Variants in LEKR1 observed in about 807,000 individuals in gnomAD.
LEKR1 encodes leucine, glutamate and lysine rich 1.
A neutral mutation model predicts 72.4 loss-of-function variants in LEKR1; 59 were observed. That is an observed-to-expected ratio of 0.82 (90% confidence interval 0.66 to 1.01). The LOEUF (loss-of-function observed/expected upper bound fraction) is 1.01. Ranked by LOEUF, LEKR1 falls within the 50% of genes least tolerant of loss-of-function variation. LEKR1 has a pLI of 0.00. For synonymous variants in LEKR1, 257 were observed against 263.2 expected (o/e 0.98, Z 0.23); for missense variants, 728 against 759.2 (o/e 0.96, Z 0.48).
intron 9 of LEKR1, among the ~76,000 whole-genome samples, chr3:156,999,942 A>C (rs1731881087): frequency 6.6e-6 from 1 of 152,150 alleles, no homozygotes; most frequent in Non-Finnish European, 1.5e-5. Context: ...CTGACCTTAT[A>C]ACTCATGTTC....
At chr3:156,981,230 C>A (rs989024946) in intron 7 of LEKR1, among the ~76,000 whole-genome samples, 1 of 152,116 alleles carries the variant, frequency 6.6e-6, no homozygotes, top group Non-Finnish European at 1.5e-5. Context: ...TTGGAATGTA[C>A]CCCTGTTGTA....
chr3:156,854,440 C>T lies in LEKR1; in HGVS notation c.263+1458C>T, dbSNP rs189404433. Among the ~76,000 whole-genome samples, 72 of 152,050 alleles carry T rather than the reference C, an allele frequency of 4.7e-4. 1 individual carries two copies. The East Asian group carries it at 0.012, about 26-fold the overall frequency. ...GCATTATAGGCGTGAGCCACTGTGC[C>T]CAGCCAAAAATCACTTTTAATGATT... is the stretch of plus-strand genomic sequence containing the variant. On this transcript the variant is annotated intron_variant, in intron 3 of 12. Transcript: ENST00000356539.
intron 7 of LEKR1, among the ~76,000 whole-genome samples, chr3:156,986,559 C>T (rs1039964368): frequency 2.0e-5 from 3 of 152,140 alleles, no homozygotes; most frequent in African/African-American, 4.8e-5. Context: ...AGAATAAAGA[C>T]GGGCTTGATC....
chr3:157,045,743 AG>A lies in LEKR1; in HGVS notation c.2073del (p.Gln691HisfsTer6). The A allele has an allele frequency of 6.2e-7, 1 of 1,607,180 alleles. No homozygotes were observed. Among genetic ancestry groups the A allele is most frequent in the Non-Finnish European group, 8.5e-7 (1 of 1,179,760 alleles). ...GCCATTCTTAGGAGAAGGCGGAGTC[AG>A]CAATGATCCAAAATGAGGAGCAGGA... ...LAAILRRRRS[Q>X]Q On this transcript the variant is annotated frameshift_variant, in exon 13 of 13. Coordinates refer to ENST00000356539, the MANE Select transcript of LEKR1 (RefSeq NM_001004316.3). LOFTEE classifies it high-confidence loss of function.
intron 5 of LEKR1, among the ~76,000 whole-genome samples, chr3:156,933,265 CA>C (rs1490155486): frequency 6.6e-6 from 1 of 152,108 alleles, no homozygotes; most frequent in Non-Finnish European, 1.5e-5. Flanking sequence ...ATTATTTAAA[CA>C]TTCATATATG....
intron 3 of LEKR1, chr3:156,888,503 A>G (rs2108556060): frequency 1.6e-6 from 1 of 638,878 alleles, no homozygotes; most frequent in Non-Finnish European, 2.9e-6. Flanking sequence ...AAGCCAGAAG[A>G]TTTTGGAGAG....
chr3:156,888,448 A>G, intron 3 of LEKR1: 1 of 687,442 alleles, frequency 1.5e-6, no homozygotes, highest in African/African-American at 1.8e-5. Context: ...TTTTTGCAAA[A>G]TAAATATTTT....
chr3:156,871,936 G>GTAAT, intron 3 of LEKR1, among the ~76,000 whole-genome samples: 1 of 152,046 alleles, frequency 6.6e-6, no homozygotes, highest in East Asian at 1.9e-4. Flanking sequence ...TTTTATCAGG[G>GTAAT]TAATGTTGGT....
chr3:156,993,995 A>C (rs1731344196), intron 9 of LEKR1, among the ~76,000 whole-genome samples: 1 of 152,020 alleles, frequency 6.6e-6, no homozygotes, highest in East Asian at 1.9e-4. Flanking sequence ...CTTCTTTAAG[A>C]GATTATTTCA....
intron 12 of LEKR1, among the ~76,000 whole-genome samples, chr3:157,042,935 G>T (rs1397094312): frequency 1.3e-5 from 2 of 152,126 alleles, no homozygotes; most frequent in Non-Finnish European, 2.9e-5. Flanking sequence ...ATGTCAAATT[G>T]TAATCCCCAG....
In LEKR1 at chr3:156,890,950, C is replaced by T. The variant is rs576462985; in HGVS notation, c.264-29625C>T. On this transcript the variant is annotated intron_variant, in intron 3 of 12. Transcript: ENST00000356539. ...TCTCGGCTCACTGCAACCTCTGCCT[C>T]CTGGGTTCAAGTGATTCTCCTGCCT... is the stretch of plus-strand genomic sequence containing the variant. Among the ~76,000 whole-genome samples the T allele has an allele frequency of 8.0e-3, 1,212 of 151,034 alleles. 6 individuals carry two copies. The highest frequency in any genetic ancestry group is 0.013 in the Non-Finnish European group (886 of 67,812).
chr3:156,926,741 G>A (rs1724752475), intron 4 of LEKR1, among the ~76,000 whole-genome samples: 1 of 151,980 alleles, frequency 6.6e-6, no homozygotes, highest in South Asian at 2.1e-4. Context: ...TAGAGAGACT[G>A]TGATGAGCAA....
intron 3 of LEKR1, among the ~76,000 whole-genome samples, chr3:156,899,220 G>A (rs78767630): frequency 3.9e-4 from 57 of 147,210 alleles, no homozygotes; most frequent in African/African-American, 1.4e-3. Context: ...TCACCATTCT[G>A]TGTTCCTAGC....
intron 11 of LEKR1, among the ~76,000 whole-genome samples, chr3:157,027,707 G>C (rs1290121614): frequency 6.6e-6 from 1 of 152,104 alleles, no homozygotes; most frequent in Non-Finnish European, 1.5e-5. Context: ...CCAGCTACTG[G>C]AGAGGCTGAA....
intron 4 of LEKR1, among the ~76,000 whole-genome samples, chr3:156,925,520 C>A (rs1449238226): frequency 1.3e-5 from 2 of 151,998 alleles, no homozygotes; most frequent in Non-Finnish European, 2.9e-5. Context: ...TGGTGTTATT[C>A]ATCTCTTAGC....
chr3:156,860,359 T>C (rs1405649430), intron 3 of LEKR1, among the ~76,000 whole-genome samples: 1 of 152,186 alleles, frequency 6.6e-6, no homozygotes, highest in African/African-American at 2.4e-5. Flanking sequence ...TTATGCCAAA[T>C]TGAGACTGTC....
intron 9 of LEKR1, among the ~76,000 whole-genome samples, chr3:157,009,870 C>T (rs963230093): frequency 3.3e-5 from 5 of 152,118 alleles, no homozygotes; most frequent in South Asian, 2.1e-4. Flanking sequence ...GTAAATTAAA[C>T]TTACCATAAT....
chr3:156,974,285 G>C (rs1005251808), intron 6 of LEKR1, among the ~76,000 whole-genome samples: 5 of 152,138 alleles, frequency 3.3e-5, no homozygotes, highest in Admixed American at 3.3e-4. Flanking sequence ...AATGAGACTT[G>C]TAGTTTAACT....
At chr3:156,948,903 T>C in intron 6 of LEKR1, among the ~76,000 whole-genome samples, 1 of 151,708 alleles carries the variant, frequency 6.6e-6, no homozygotes, top group Non-Finnish European at 1.5e-5. Context: ...GATTTGCATT[T>C]CTGTAATAAT....
Sources: gnomAD v4.1 joint callset for allele counts (sites outside exome capture counted in the v4.1 genomes callset) on GRCh38, gnomAD v4.1.1 for gene constraint, MANE v1.5 for transcripts, NCBI Gene and HGNC (gene_info 2026-07-23, HGNC 2026-07-21) for gene names.